The following NLGN1 variants were observed in gnomAD, a reference collection of about 807,000 sequenced individuals.
NLGN1 encodes neuroligin-1.
In NLGN1, 12 loss-of-function variants were observed where a neutral mutation model predicts 65.5. That is an observed-to-expected ratio of 0.18 (90% CI 0.12 to 0.30). The LOEUF (loss-of-function observed/expected upper bound fraction) is 0.30. Among genes scored for constraint, NLGN1 ranks in the 10% least tolerant of loss-of-function variants. The probability of loss-of-function intolerance (pLI) is 1.00; values close to 1 mark genes in which losing one functional copy is unlikely to be tolerated. For missense variants in NLGN1, 750 were observed against 1,007.1 expected (o/e 0.74, Z 3.46); for synonymous variants, 350 against 359.5 (o/e 0.97, Z 0.30).
At position 173,601,908 on chromosome 3, in the gene NLGN1, C is replaced by T. The variant is rs1241877225; in HGVS notation, c.-320-2371C>T. Reference sequence around the variant, plus strand: ...ACTGTCAGAATATTTACTGAGACTTCGTCTTCTGAAGAAACATAAAATACT... The same window carrying T: ...ACTGTCAGAATATTTACTGAGACTTTGTCTTCTGAAGAAACATAAAATACT... On this transcript the variant is annotated intron_variant, in intron 2 of 6. Transcript: ENST00000457714. 2.6e-5 allele frequency among the ~76,000 whole-genome samples: 4 copies of T among 151,936 alleles called. No homozygotes were observed. In the East Asian group the frequency reaches 7.7e-4, roughly 29 times the overall value.
chr3:173,449,938 T>C (rs1022880300), intron 2 of NLGN1, among the ~76,000 whole-genome samples: 15 of 152,188 alleles, frequency 9.9e-5, no homozygotes, highest in African/African-American at 3.6e-4. Flanking sequence ...CATTCCTTTA[T>C]TTTGAGCCTG....
intron 3 of NLGN1, among the ~76,000 whole-genome samples, chr3:173,689,446 C>T (rs994639523): frequency 5.3e-5 from 8 of 152,070 alleles, no homozygotes; most frequent in African/African-American, 1.9e-4. Flanking sequence ...TCTGAACACA[C>T]CCCTGCTGAA....
chr3:174,055,054 T>C (rs966222712), intron 4 of NLGN1, among the ~76,000 whole-genome samples: 3 of 151,884 alleles, frequency 2.0e-5, no homozygotes, highest in African/African-American at 7.2e-5. Context: ...AAAACTCTAT[T>C]ACTATGCTTA....
intron 2 of NLGN1, among the ~76,000 whole-genome samples, chr3:173,472,366 A>G (rs1024266810): frequency 6.6e-6 from 1 of 152,042 alleles, no homozygotes; most frequent in Non-Finnish European, 1.5e-5. Flanking sequence ...GAATGATTTC[A>G]TTGTTTTACC....
At chr3:173,984,910 C>T (rs923163461) in intron 4 of NLGN1, among the ~76,000 whole-genome samples, 2 of 152,092 alleles carry the variant, frequency 1.3e-5, no homozygotes, top group Non-Finnish European at 2.9e-5. Flanking sequence ...GGTGTGGTGG[C>T]GTGTGCCTGT....
In NLGN1 at chr3:173,425,833, G is replaced by A. The variant is rs565523440; in HGVS notation, c.-389-9177G>A. Among the ~76,000 whole-genome samples the A allele has an allele frequency of 8.6e-5, 13 of 152,042 alleles. No homozygotes were observed. In the South Asian group the frequency reaches 2.5e-3, roughly 29 times the overall value. On this transcript the variant is annotated intron_variant, in intron 1 of 6. Transcript: ENST00000457714. ...TATTTGGGGTTCTTTGTAGTTCCATGCAAATTTTAAGAAATTTTTTTCTAA... is the reference window on the plus strand; with the variant it reads ...TATTTGGGGTTCTTTGTAGTTCCATACAAATTTTAAGAAATTTTTTTCTAA...
At chr3:173,498,899 T>C (rs1450811145) in intron 2 of NLGN1, among the ~76,000 whole-genome samples, 2 of 151,568 alleles carry the variant, frequency 1.3e-5, no homozygotes, top group East Asian at 1.9e-4. Context: ...TTTGATGGGG[T>C]TGTTTGTTTT....
chr3:173,985,637 G>T (rs1262897442), intron 4 of NLGN1, among the ~76,000 whole-genome samples: 1 of 152,084 alleles, frequency 6.6e-6, no homozygotes, highest in African/African-American at 2.4e-5. Context: ...CATACATTTT[G>T]TAATAAAGTA....
intron 3 of NLGN1, 137 bp from the exon 3 acceptor site, chr3:173,605,396 AT>A: frequency 2.3e-6 from 1 of 440,378 alleles, no homozygotes; most frequent in Non-Finnish European, 4.0e-6. Context: ...TCCTCATTGC[AT>A]GTGCAGGCTC....
At chr3:173,927,264 A>G (rs28569078) in intron 4 of NLGN1, among the ~76,000 whole-genome samples, 7,584 of 152,178 alleles carry the variant, frequency 0.05, 344 homozygotes, top group African/African-American at 0.12. Flanking sequence ...GGGTTTCACC[A>G]TGTTGGTCAG....
intron 4 of NLGN1, among the ~76,000 whole-genome samples, chr3:174,098,462 A>G (rs1561037146): frequency 6.6e-6 from 1 of 152,176 alleles, no homozygotes; most frequent in Non-Finnish European, 1.5e-5. Flanking sequence ...TCAGTGGGAA[A>G]CATTTTTACC....
intron 4 of NLGN1, among the ~76,000 whole-genome samples, chr3:173,986,474 A>C (rs1046020829): frequency 6.6e-6 from 1 of 152,182 alleles, no homozygotes; most frequent in African/African-American, 2.4e-5. Flanking sequence ...ATCTCAAAAA[A>C]ATAGTAAATA....
At chr3:174,268,944 C>T (rs1427934384) in intron 4 of NLGN1, among the ~76,000 whole-genome samples, 1 of 150,926 alleles carries the variant, frequency 6.6e-6, no homozygotes, top group Admixed American at 6.6e-5. Flanking sequence ...AAGATATTAA[C>T]CTCATTTCAG....
At chr3:173,943,514 G>C (rs954628180) in intron 4 of NLGN1, among the ~76,000 whole-genome samples, 8 of 152,136 alleles carry the variant, frequency 5.3e-5, no homozygotes, top group African/African-American at 1.4e-4. Context: ...CCTCTGAGCT[G>C]TTTCCTCTTT....
chr3:173,552,709 C>T (rs1420833946), intron 2 of NLGN1, among the ~76,000 whole-genome samples: 1 of 152,130 alleles, frequency 6.6e-6, no homozygotes, highest in African/African-American at 2.4e-5. Flanking sequence ...TGCCTGCAAA[C>T]GGCATGAACT....
intron 4 of NLGN1, among the ~76,000 whole-genome samples, chr3:174,236,943 A>G (rs1244197207): frequency 1.3e-5 from 2 of 152,114 alleles, no homozygotes; most frequent in African/African-American, 4.8e-5. Context: ...TTCTAAATCT[A>G]AAGTTCAGTT....
At chr3:174,024,946 A>C (rs1458497198) in intron 4 of NLGN1, among the ~76,000 whole-genome samples, 1 of 152,188 alleles carries the variant, frequency 6.6e-6, no homozygotes, top group Non-Finnish European at 1.5e-5. Flanking sequence ...CATAAAAATT[A>C]AACGTTCACC....
intron 4 of NLGN1, among the ~76,000 whole-genome samples, chr3:174,244,803 C>T (rs1304321929): frequency 1.3e-5 from 2 of 152,102 alleles, no homozygotes; most frequent in South Asian, 2.1e-4. Context: ...CTCCAGAGGC[C>T]GCCTTTGAGT....
At chr3:173,916,508 A>C (rs1334220448) in intron 4 of NLGN1, among the ~76,000 whole-genome samples, 3 of 152,192 alleles carry the variant, frequency 2.0e-5, no homozygotes, top group Admixed American at 1.3e-4. Context: ...TACAGGTAAA[A>C]GTTCTTTGTA....
Sources: gnomAD v4.1 joint callset for allele counts (sites outside exome capture counted in the v4.1 genomes callset) on GRCh38, gnomAD v4.1.1 for gene constraint, MANE v1.5 for transcripts, NCBI Gene and HGNC (gene_info 2026-07-23, HGNC 2026-07-21) for gene names.